TBX15: variants seen among roughly 807,000 people sequenced by gnomAD.
The protein encoded by TBX15 is T-box transcription factor TBX15.
Under a neutral mutation model 53.9 loss-of-function variants are expected in TBX15, and 18 were observed. The ratio of observed to expected loss-of-function variants is 0.33; its 90% confidence interval spans 0.23 to 0.49. TBX15 has a LOEUF of 0.49. Among genes scored for constraint, TBX15 ranks in the 20% least tolerant of loss-of-function variants. The pLI is 0.98. For missense variants in TBX15, 692 were observed against 749.5 expected (o/e 0.92, Z 0.90); for synonymous variants, 295 against 278.0 (o/e 1.06, Z -0.61).
chr1:118,898,369 G>A (rs1221831371), intron 7 of TBX15, among the ~76,000 whole-genome samples: 1 of 152,128 alleles, frequency 6.6e-6, no homozygotes, highest in African/African-American at 2.4e-5. Context: ...AGACAAGACT[G>A]AGAAAATTTG....
chr1:118,887,866 T>C (rs1337424434), intron 7 of TBX15, among the ~76,000 whole-genome samples: 4 of 152,090 alleles, frequency 2.6e-5, no homozygotes, highest in Non-Finnish European at 1.5e-5. Context: ...TAGTGCTGGC[T>C]ATAGAAGTAC....
At chr1:118,914,051 C>G in intron 6 of TBX15, 64 bp downstream of exon 6, 1 of 1,554,396 alleles carries the variant, frequency 6.4e-7, no homozygotes, top group African/African-American at 1.4e-5. Context: ...CATCAACCAT[C>G]AGCAGGATGT....
At chr1:118,918,172 C>G (rs1296460382) in intron 5 of TBX15, among the ~76,000 whole-genome samples, 1 of 152,206 alleles carries the variant, frequency 6.6e-6, no homozygotes, top group Non-Finnish European at 1.5e-5. Flanking sequence ...TTCTTAACTG[C>G]ATCCTTTTAA....
In TBX15 at chr1:118,921,873, C is replaced by T. The variant is rs538452418; in HGVS notation, c.861+1563G>A. ...TTTTGACGTACTGATTGTTCTCATT[C>T]TAGAATGTTATGAAGAATAAAAACA... is the stretch of plus-strand genomic sequence containing the variant. On this transcript the variant is annotated intron_variant, in intron 5 of 7. Coordinates refer to ENST00000369429, the MANE Select transcript of TBX15 (RefSeq NM_001330677.2). Among the ~76,000 whole-genome samples, 3 of 152,224 alleles carry T rather than the reference C, an allele frequency of 2.0e-5. No individual in the cohort carries two copies. The South Asian group carries it at 6.2e-4, about 32-fold the overall frequency.
At position 118,967,377 on chromosome 1, in the gene TBX15, A is replaced by G. The variant is rs891571504; in HGVS notation, c.205+20214T>C. On this transcript the variant is annotated intron_variant, in intron 1 of 7. Transcript: ENST00000369429. ...GATTTCACAGTGGTAGAAATGCTAT[A>G]TAAAAATCATAAAAATGACCTATAA... Among the ~76,000 whole-genome samples the G allele has an allele frequency of 2.0e-5, 3 of 152,240 alleles. No homozygotes were observed. The East Asian group carries it at 5.8e-4, about 29-fold the overall frequency.
rs764458361 is a variant in TBX15, at chr1:118,987,612, G to A, written c.184C>T (p.His62Tyr). Residue 62 changes from histidine to tyrosine, a missense_variant, in exon 1 of 8, where the codon CAC becomes TAC. Coordinates refer to ENST00000369429, the MANE Select transcript of TBX15 (RefSeq NM_001330677.2). ...PLGDTEDAAA[H>Y]GLEPHPDSEQ... ...TCACCCGGGTGAGGCTCCAGGCCGT[G>A]TGCCGCCGCGTCCTCCGTGTCTCCG... 4.5e-6 allele frequency: 7 copies of A among 1,548,642 alleles called. No individual in the cohort carries two copies. Among genetic ancestry groups the A allele is most frequent in the South Asian group, 1.2e-5 (1 of 84,024 alleles).
At chr1:118,888,539 C>A (rs1406827880) in intron 7 of TBX15, among the ~76,000 whole-genome samples, 1 of 152,196 alleles carries the variant, frequency 6.6e-6, no homozygotes, top group African/African-American at 2.4e-5. Context: ...TTTGAGGCAT[C>A]CTACACATTT....
At chr1:118,947,294 C>T (rs531047375) in intron 1 of TBX15, among the ~76,000 whole-genome samples, 1 of 152,364 alleles carries the variant, frequency 6.6e-6, no homozygotes, top group Admixed American at 6.5e-5. Flanking sequence ...CCCAGCTAAA[C>T]ATCTATTTTT....
chr1:118,956,316 T>C (rs1656688757), intron 1 of TBX15, among the ~76,000 whole-genome samples: 2 of 152,082 alleles, frequency 1.3e-5, no homozygotes, highest in Non-Finnish European at 2.9e-5. Context: ...AATGGTAAAA[T>C]GTAAATACCA....
At chr1:118,929,790 C>A (rs1655720231) in intron 2 of TBX15, among the ~76,000 whole-genome samples, 1 of 152,020 alleles carries the variant, frequency 6.6e-6, no homozygotes, top group African/African-American at 2.4e-5. Context: ...ACAAACATGA[C>A]TGGAATACAG....
chr1:118,954,562 A>G (rs1656616732), intron 1 of TBX15, among the ~76,000 whole-genome samples: 1 of 152,240 alleles, frequency 6.6e-6, no homozygotes, highest in Non-Finnish European at 1.5e-5. Flanking sequence ...AGAGATCCTG[A>G]TTCAGGCACA....
intron 1 of TBX15, among the ~76,000 whole-genome samples, chr1:118,971,515 T>C (rs1657235957): frequency 6.6e-6 from 1 of 152,192 alleles, no homozygotes. Context: ...GACACAGTGC[T>C]CTCCAGGGTT....
At chr1:118,905,541 G>A (rs890141207) in intron 6 of TBX15, among the ~76,000 whole-genome samples, 1 of 152,200 alleles carries the variant, frequency 6.6e-6, no homozygotes, top group Non-Finnish European at 1.5e-5. Flanking sequence ...GAGTCCAGCT[G>A]GATCATCTGC....
chr1:118,903,774 T>A (rs1037462606), intron 6 of TBX15, among the ~76,000 whole-genome samples: 1 of 152,086 alleles, frequency 6.6e-6, no homozygotes, highest in Admixed American at 6.6e-5. Flanking sequence ...AGACACAGGG[T>A]CTCTACCCTT....
At chr1:118,989,077 G>C (rs566370005), upstream of TBX15, among the ~76,000 whole-genome samples, 1 of 152,308 alleles carries the variant, frequency 6.6e-6, no homozygotes, top group Non-Finnish European at 1.5e-5. Flanking sequence ...CTTTCCCTAC[G>C]GCCCGAACGC....
chr1:118,908,772 AC>A lies in TBX15; in HGVS notation c.926+5342del, dbSNP rs1355459959. On this transcript the variant is annotated intron_variant, in intron 6 of 7. Transcript: ENST00000369429. ...CTCTCTCTCTCTCTCTCACACACAC[AC>A]ACACACTCACACATATATAGGTATA... is the stretch of plus-strand genomic sequence containing the variant. 2.0e-5 allele frequency among the ~76,000 whole-genome samples: 3 copies of A among 151,920 alleles called. No individual in the cohort carries two copies. In the East Asian group the frequency reaches 5.8e-4, roughly 29 times the overall value.
At chr1:118,986,950 G>A (rs149866565) in intron 1 of TBX15, among the ~76,000 whole-genome samples, 3 of 152,274 alleles carry the variant, frequency 2.0e-5, no homozygotes, top group Non-Finnish European at 4.4e-5. Context: ...ATATACATGG[G>A]TTACTGTAGG....
intron 1 of TBX15, among the ~76,000 whole-genome samples, chr1:118,934,494 C>T (rs1050917232): frequency 6.6e-6 from 1 of 152,096 alleles, no homozygotes; most frequent in Non-Finnish European, 1.5e-5. Context: ...AAACAGAATC[C>T]AAGACCTTAA....
intron 6 of TBX15, among the ~76,000 whole-genome samples, chr1:118,899,871 C>T (rs1414861530): frequency 6.6e-6 from 1 of 152,170 alleles, no homozygotes; most frequent in African/African-American, 2.4e-5. Context: ...CGAGTACATT[C>T]CTTTAAGGCT....
Sources: allele counts gnomAD v4.1 joint callset (sites outside exome capture counted in the v4.1 genomes callset), GRCh38; gene constraint gnomAD v4.1.1; transcripts MANE v1.5; gene names NCBI Gene and HGNC (gene_info 2026-07-23, HGNC 2026-07-21).